Variants in ANK2 observed in about 807,000 individuals in gnomAD.
The protein encoded by ANK2 is ankyrin 2.
A neutral mutation model predicts 360.5 loss-of-function variants in ANK2; 83 were observed. The ratio of observed to expected loss-of-function variants is 0.23; its 90% CI spans 0.19 to 0.28. The LOEUF is 0.28. ANK2 is among the 10% of genes least tolerant of loss of function. The probability of loss-of-function intolerance (pLI) is 1.00; values close to 1 mark genes in which losing one functional copy is unlikely to be tolerated. For missense variants in ANK2, 4,201 were observed against 4,795.7 expected (o/e 0.88, Z 3.66); for synonymous variants, 1,740 against 1,759.5 (o/e 0.99, Z 0.28).
At chr4:112,962,070 A>G (rs1387355199) in intron 2 of ANK2, among the ~76,000 whole-genome samples, 2 of 152,090 alleles carry the variant, frequency 1.3e-5, no homozygotes, top group Non-Finnish European at 2.9e-5. Context: ...ATTTGTTTCT[A>G]TTAATTTTTG....
chr4:112,965,348 G>T (rs891457467), intron 2 of ANK2, among the ~76,000 whole-genome samples: 2 of 152,124 alleles, frequency 1.3e-5, no homozygotes, highest in Non-Finnish European at 2.9e-5. Context: ...AAAATCAGAT[G>T]ATTAGATTTT....
chr4:113,187,778 A>C (rs2098556775), intron 2 of ANK2, among the ~76,000 whole-genome samples: 1 of 152,232 alleles, frequency 6.6e-6, no homozygotes, highest in African/African-American at 2.4e-5. Context: ...AACAAGACCC[A>C]GGATTGACAC....
chr4:112,728,079 G>A, the ANK2 span, among the ~76,000 whole-genome samples: 3 of 151,898 alleles, frequency 2.0e-5, no homozygotes, highest in Non-Finnish European at 4.4e-5. Context: ...CGGATCACAA[G>A]GTCAGGAGTT....
At chr4:112,978,525 A>G (rs1164950948) in intron 2 of ANK2, among the ~76,000 whole-genome samples, 1 of 152,122 alleles carries the variant, frequency 6.6e-6, no homozygotes. Context: ...CTCCTTTCCA[A>G]CTCTCTGAAT....
chr4:112,936,967 T>C (rs1047587055), intron 2 of ANK2, among the ~76,000 whole-genome samples: 2 of 152,082 alleles, frequency 1.3e-5, no homozygotes, highest in Admixed American at 1.3e-4. Context: ...TTTTTAGTTT[T>C]TATTTTTAGC....
chr4:112,960,512 T>G (rs1304181284), intron 2 of ANK2, among the ~76,000 whole-genome samples: 1 of 152,192 alleles, frequency 6.6e-6, no homozygotes, highest in Non-Finnish European at 1.5e-5. Context: ...CTGTTGCTGT[T>G]TGTTTTAAAG....
At chr4:112,768,535 T>G in the ANK2 span, among the ~76,000 whole-genome samples, 9 of 152,076 alleles carry the variant, frequency 5.9e-5, no homozygotes, top group Non-Finnish European at 1.2e-4. Context: ...ACTACAGGCA[T>G]GAGCCACCGC....
chr4:113,089,043 C>G (rs774376592), intron 1 of ANK2, among the ~76,000 whole-genome samples: 1 of 152,122 alleles, frequency 6.6e-6, no homozygotes, highest in Non-Finnish European at 1.5e-5. Context: ...GCTTTCTTAC[C>G]TGGTGGTCTC....
intron 2 of ANK2, among the ~76,000 whole-genome samples, chr4:113,036,521 T>A (rs1037693223): frequency 3.3e-5 from 5 of 151,740 alleles, no homozygotes; most frequent in African/African-American, 4.8e-5. Context: ...CTACAGATAA[T>A]CTTCCAAATG....
At position 113,354,989 on chromosome 4, in the gene ANK2, T is replaced by C. The variant is rs2154022300; in HGVS notation, c.6371T>C (p.Leu2124Pro). The C allele has an allele frequency of 6.2e-7, 1 of 1,614,014 alleles. No homozygotes were observed. The highest frequency in any genetic ancestry group is 8.5e-7 in the Non-Finnish European group (1 of 1,179,976). The change falls in exon 38 of 46, where the codon CTA becomes CCA. Residue 2124 changes from leucine to proline, a missense_variant. Leu to Pro is a moderately conservative substitution (Grantham distance 98). Coordinates refer to ENST00000357077, the MANE Select transcript of ANK2 (RefSeq NM_001148.6). Reference protein sequence around the residue: ...KMADEQGDMDLQISPDRKTST... With the variant: ...KMADEQGDMDPQISPDRKTST... Reference sequence around the variant, plus strand: ...GCTGATGAGCAGGGAGACATGGATCTACAGATCAGCCCAGATAGGAAAACC... The same window carrying C: ...GCTGATGAGCAGGGAGACATGGATCCACAGATCAGCCCAGATAGGAAAACC...
intron 1 of ANK2, among the ~76,000 whole-genome samples, chr4:112,903,656 TA>T (rs2084214210): frequency 6.6e-6 from 1 of 152,230 alleles, no homozygotes; most frequent in African/African-American, 2.4e-5. Context: ...GCAGTTAGCA[TA>T]ACCTGATGTA....
Position 113,240,269 on chromosome 4 carries a change from A to G in ANK2, c.694-216A>G, listed in dbSNP as rs186014060. ...TATTTAAGATAATTAAAAATATGCCATGAATATTATGCCAATAAATGTAGA... is the reference window on the plus strand; with the variant it reads ...TATTTAAGATAATTAAAAATATGCCGTGAATATTATGCCAATAAATGTAGA... On this transcript the variant is annotated intron_variant, in intron 7 of 45. Coordinates refer to ENST00000357077, the MANE Select transcript of ANK2 (RefSeq NM_001148.6). Among the ~76,000 whole-genome samples the G allele has an allele frequency of 1.7e-3, 255 of 152,340 alleles. No individual in the cohort carries two copies. The highest frequency in any genetic ancestry group is 2.0e-3 in the Non-Finnish European group (136 of 68,008).
chr4:113,049,734 G>T lies in ANK2; in HGVS notation c.6G>T (p.Met2Ile). 2 of 1,577,728 alleles carry T rather than the reference G, an allele frequency of 1.3e-6. No homozygotes were observed. The highest frequency in any genetic ancestry group is 1.1e-5 in the South Asian group (1 of 90,608). ...TTCTTTCCAAACTGTTCAAAATGAT[G>T]AACGAAGATGCAGCTCAGAAAAGCG... M[M>I]NEDAAQKSDS... is the part of the protein sequence containing the mutation. Residue 2 changes from methionine to isoleucine, a missense_variant, in exon 1 of 46, where the codon ATG becomes ATT. Physicochemically the swap from Met to Ile is conservative, Grantham distance 10 (BLOSUM62 1). Transcript: ENST00000357077.
At chr4:112,871,247 A>G (rs113087247) in intron 1 of ANK2, among the ~76,000 whole-genome samples, 9,658 of 151,314 alleles carry the variant, frequency 0.064, 572 homozygotes, top group African/African-American at 0.15. Context: ...GTGCAGTGGC[A>G]CCATCTCGTC....
At chr4:112,793,584 T>A in the ANK2 span, among the ~76,000 whole-genome samples, 1 of 152,090 alleles carries the variant, frequency 6.6e-6, no homozygotes. Flanking sequence ...TTTATCATAT[T>A]ACTGAATAAC....
At position 113,131,753 on chromosome 4, in the gene ANK2, CT is replaced by C. The variant is rs1220164979; in HGVS notation, c.85-42662del. Among the ~76,000 whole-genome samples, 4 of 152,196 alleles carry C rather than the reference CT, an allele frequency of 2.6e-5. No individual in the cohort carries two copies. The East Asian group carries it at 7.7e-4, about 29-fold the overall frequency. ...ATATTGTAACTGAGTTTAAAGCCCC[CT>C]AACATTCCTGCACACTAAAGCACAG... is the stretch of plus-strand genomic sequence containing the variant. On this transcript the variant is annotated intron_variant, in intron 1 of 45. Coordinates refer to ENST00000357077, the MANE Select transcript of ANK2 (RefSeq NM_001148.6).
chr4:113,310,478 G>A lies in ANK2; in HGVS notation c.2549-777G>A, dbSNP rs528575819. ...GTCACCCAGGCTGGAGTGCAGTGGT[G>A]CAATCTCGGCTCACTGCAACCTTCA... is the stretch of plus-strand genomic sequence containing the variant. On this transcript the variant is annotated intron_variant, in intron 23 of 45. Coordinates refer to ENST00000357077, the MANE Select transcript of ANK2 (RefSeq NM_001148.6). Among the ~76,000 whole-genome samples, 7 of 152,092 alleles carry A rather than the reference G, an allele frequency of 4.6e-5. No homozygotes were observed. The East Asian group carries it at 1.2e-3, about 25-fold the overall frequency.
rs1375977442 is a variant in ANK2, at chr4:113,277,910, G to T, written c.1757G>T (p.Arg586Leu). 3.1e-6 allele frequency: 5 copies of T among 1,613,938 alleles called. No homozygotes were observed. Among genetic ancestry groups the T allele is most frequent in the Non-Finnish European group, 4.2e-6 (5 of 1,179,830 alleles). The change falls in exon 16 of 46, where the codon CGT (arginine) becomes CTT (leucine). Residue 586 changes from arginine to leucine, a missense_variant. Arg to Leu is a moderately radical substitution (Grantham distance 102, BLOSUM62 -2). This residue lies in a region of ANK2 where 1,268 missense variants were observed against 1,650.8 expected (regional missense o/e 0.77). Transcript: ENST00000357077. The stretch of plus-strand genomic sequence containing the variant: ...GTGGCAAAACTTCTCTTGCAACGCC[G>T]TGCTGCCGCAGATTCTGCAGGGAAG... ...LDVAKLLLQR[R>L]AAADSAGKNG...
At chr4:112,935,323 A>C (rs898087547) in intron 2 of ANK2, among the ~76,000 whole-genome samples, 6 of 152,200 alleles carry the variant, frequency 3.9e-5, no homozygotes, top group Non-Finnish European at 8.8e-5. Context: ...TTAAACAGAA[A>C]TCTAAGTGTA....
Sources: allele counts gnomAD v4.1 joint callset (sites outside exome capture counted in the v4.1 genomes callset), GRCh38; gene constraint gnomAD v4.1.1; regional missense constraint gnomAD v4.1.1; transcripts MANE v1.5; gene names NCBI Gene and HGNC (gene_info 2026-07-23, HGNC 2026-07-21).